The following WWOX variants were observed in gnomAD, a reference collection of about 807,000 sequenced individuals.
The protein encoded by WWOX is WW domain containing oxidoreductase.
WWOX carries 69 observed loss-of-function variants against 46.2 expected under a neutral mutation model. The ratio of observed to expected loss-of-function variants is 1.49; its 90% CI spans 1.23 to 1.82. The LOEUF (loss-of-function observed/expected upper bound fraction) is 1.82, where lower values mean the gene tolerates loss of function less well. WWOX is among the 40% of genes most tolerant of loss of function. The pLI is 0.00. For missense variants in WWOX, 919 were observed against 542.6 expected (o/e 1.69, Z -6.89); for synonymous variants, 359 against 202.6 (o/e 1.77, Z -6.56).
chr16:78,571,108 T>C (rs955640777), intron 8 of WWOX, among the ~76,000 whole-genome samples: 2 of 152,216 alleles, frequency 1.3e-5, no homozygotes, highest in Admixed American at 6.5e-5. Flanking sequence ...GAAAGCTTAC[T>C]GTAGTTACTT....
At chr16:78,424,409 C>G (rs138062658) in intron 6 of WWOX, among the ~76,000 whole-genome samples, 1 of 152,138 alleles carries the variant, frequency 6.6e-6, no homozygotes, top group African/African-American at 2.4e-5. Flanking sequence ...CGTGAGCCCC[C>G]GCGCCTGGCC....
intron 8 of WWOX, among the ~76,000 whole-genome samples, chr16:78,650,638 T>G (rs775447057): frequency 6.6e-6 from 1 of 152,228 alleles, no homozygotes; most frequent in Non-Finnish European, 1.5e-5. Flanking sequence ...ATGTATTTAT[T>G]ATAATGGAGG....
intron 5 of WWOX, among the ~76,000 whole-genome samples, chr16:78,269,550 A>T (rs964719669): frequency 6.6e-6 from 1 of 152,178 alleles, no homozygotes; most frequent in African/African-American, 2.4e-5. Context: ...CAAACTGGTG[A>T]CTCGGAGATC....
At chr16:78,827,492 C>T (rs1278633833) in intron 8 of WWOX, among the ~76,000 whole-genome samples, 1 of 151,968 alleles carries the variant, frequency 6.6e-6, no homozygotes, top group African/African-American at 2.4e-5. Flanking sequence ...GCCCCATTTT[C>T]TGGCAGGGAG....
At chr16:79,189,423 TTGTG>T (rs4035319) in intron 8 of WWOX, among the ~76,000 whole-genome samples, 24,928 of 114,366 alleles carry the variant, frequency 0.22, 2,617 homozygotes, top group East Asian at 0.34. Flanking sequence ...ACTCCCAGCT[TTGTG>T]TGTGTGTGTG....
intron 8 of WWOX, among the ~76,000 whole-genome samples, chr16:79,178,113 T>C (rs2050837702): frequency 6.6e-6 from 1 of 152,212 alleles, no homozygotes; most frequent in Non-Finnish European, 1.5e-5. Context: ...TCTAATATTA[T>C]CACATTGGAG....
chr16:78,926,203 A>C (rs752322909), intron 8 of WWOX, among the ~76,000 whole-genome samples: 1 of 151,918 alleles, frequency 6.6e-6, no homozygotes, highest in Non-Finnish European at 1.5e-5. Flanking sequence ...GCAAAACCTT[A>C]CCTCTCAAAA....
At chr16:78,110,858 C>T (rs538648090) in intron 3 of WWOX, among the ~76,000 whole-genome samples, 1 of 152,224 alleles carries the variant, frequency 6.6e-6, no homozygotes, top group East Asian at 1.9e-4. Context: ...GGCTTTGAGC[C>T]CAGCACCTGC....
At chr16:78,742,394 C>A (rs371619796) in intron 8 of WWOX, among the ~76,000 whole-genome samples, 4 of 152,108 alleles carry the variant, frequency 2.6e-5, no homozygotes, top group African/African-American at 9.7e-5. Context: ...AGTGTTTCAG[C>A]GCCCTGGCTT....
chr16:78,912,001 A>T (rs889013458), intron 8 of WWOX, among the ~76,000 whole-genome samples: 1 of 152,036 alleles, frequency 6.6e-6, no homozygotes, highest in African/African-American at 2.4e-5. Flanking sequence ...TTACCCAGAA[A>T]AATACACAGT....
At chr16:78,201,952 C>A (rs575643234) in intron 5 of WWOX, among the ~76,000 whole-genome samples, 2 of 152,054 alleles carry the variant, frequency 1.3e-5, no homozygotes, top group South Asian at 2.1e-4. Flanking sequence ...CCACCCGCCT[C>A]GGCCTCCCAA....
chr16:78,437,497 A>G (rs2083359376), intron 8 of WWOX, among the ~76,000 whole-genome samples: 1 of 152,216 alleles, frequency 6.6e-6, no homozygotes, highest in African/African-American at 2.4e-5. Flanking sequence ...GCAATATAAT[A>G]ATCACTAATG....
At chr16:78,758,819 A>G (rs574188986) in intron 8 of WWOX, among the ~76,000 whole-genome samples, 6 of 152,000 alleles carry the variant, frequency 3.9e-5, no homozygotes, top group Non-Finnish European at 8.8e-5. Flanking sequence ...AGGAGGATGT[A>G]TCTCAGTTGC....
At chr16:78,417,909 G>A (rs1462919106) in intron 6 of WWOX, among the ~76,000 whole-genome samples, 1 of 152,138 alleles carries the variant, frequency 6.6e-6, no homozygotes, top group Non-Finnish European at 1.5e-5. Flanking sequence ...GTAGGGGATG[G>A]GTGGGAAAAC....
At chr16:78,150,270 G>T (rs1381487665) in intron 4 of WWOX, among the ~76,000 whole-genome samples, 1 of 152,218 alleles carries the variant, frequency 6.6e-6, no homozygotes, top group African/African-American at 2.4e-5. Context: ...GGCCAGGCAT[G>T]CGGAGGGGAT....
At chr16:78,364,261 A>G (rs952675502) in intron 5 of WWOX, among the ~76,000 whole-genome samples, 1 of 152,232 alleles carries the variant, frequency 6.6e-6, no homozygotes, top group African/African-American at 2.4e-5. Flanking sequence ...ATTTATTTTA[A>G]TAGTTACTCT....
At chr16:79,134,114 T>G (rs928735857) in intron 8 of WWOX, among the ~76,000 whole-genome samples, 3 of 152,078 alleles carry the variant, frequency 2.0e-5, no homozygotes, top group Non-Finnish European at 2.9e-5. Flanking sequence ...AATATGCTGA[T>G]CTGGGTGAGG....
At chr16:78,463,507 A>G (rs1001488175) in intron 8 of WWOX, among the ~76,000 whole-genome samples, 2 of 152,214 alleles carry the variant, frequency 1.3e-5, no homozygotes, top group African/African-American at 4.8e-5. Flanking sequence ...GTCATTATTG[A>G]TAAACATGTA....
At chr16:78,693,588 G>T (rs1326599202) in intron 8 of WWOX, among the ~76,000 whole-genome samples, 3 of 152,160 alleles carry the variant, frequency 2.0e-5, no homozygotes, top group African/African-American at 7.2e-5. Flanking sequence ...CTCCTCTAGG[G>T]CAGTGGAGAC....
Sources: gnomAD v4.1 joint callset for allele counts (sites outside exome capture counted in the v4.1 genomes callset) on GRCh38, gnomAD v4.1.1 for gene constraint, MANE v1.5 for transcripts, NCBI Gene and HGNC (gene_info 2026-07-23, HGNC 2026-07-21) for gene names.